The following CDH18 variants were observed in gnomAD, a reference collection of about 807,000 sequenced individuals.
The protein encoded by CDH18 is cadherin 18, also known as cadherin-18.
CDH18 carries 31 observed loss-of-function variants against 67.9 expected under a neutral mutation model. The ratio of observed to expected loss-of-function variants is 0.46; its 90% CI spans 0.34 to 0.62. CDH18 has a LOEUF of 0.62. Among genes scored for constraint, CDH18 ranks in the 20% least tolerant of loss-of-function variants. The pLI is 0.01. For synonymous variants in CDH18, 362 were observed against 347.2 expected (o/e 1.04, Z -0.48); for missense variants, 890 against 975.5 (o/e 0.91, Z 1.17).
At chr5:19,500,897 G>C (rs1012075308) in intron 11 of CDH18, among the ~76,000 whole-genome samples, 2 of 152,026 alleles carry the variant, frequency 1.3e-5, no homozygotes, top group African/African-American at 2.4e-5. Flanking sequence ...TTGGGAGGCT[G>C]AGGCAGGCAG....
chr5:20,002,678 A>C (rs761168911), intron 2 of CDH18, among the ~76,000 whole-genome samples: 5 of 152,198 alleles, frequency 3.3e-5, no homozygotes, highest in Non-Finnish European at 7.3e-5. Context: ...TTACAAAAGA[A>C]AAATAGGGAA....
chr5:20,234,336 T>C (rs1187313324), intron 2 of CDH18, among the ~76,000 whole-genome samples: 2 of 152,198 alleles, frequency 1.3e-5, no homozygotes, highest in African/African-American at 2.4e-5. Context: ...TTCCTAATCA[T>C]CAAATTCTCC....
At chr5:19,640,188 G>A (rs1194602592) in intron 5 of CDH18, among the ~76,000 whole-genome samples, 2 of 152,092 alleles carry the variant, frequency 1.3e-5, no homozygotes, top group African/African-American at 4.8e-5. Context: ...TACTGGTGTG[G>A]CTAAATATAC....
At chr5:19,966,082 A>G (rs1041159664) in intron 2 of CDH18, among the ~76,000 whole-genome samples, 5 of 152,192 alleles carry the variant, frequency 3.3e-5, no homozygotes, top group Non-Finnish European at 5.9e-5. Context: ...TTCGTACTAT[A>G]CACACTACTT....
chr5:19,810,066 C>T (rs1169001133), intron 3 of CDH18, among the ~76,000 whole-genome samples: 2 of 152,168 alleles, frequency 1.3e-5, no homozygotes, highest in African/African-American at 4.8e-5. Flanking sequence ...GAGGTGGCTC[C>T]TGCCTGTAAT....
chr5:19,580,218 T>C (rs1488608941), intron 7 of CDH18, among the ~76,000 whole-genome samples: 1 of 151,880 alleles, frequency 6.6e-6, no homozygotes, highest in African/African-American at 2.4e-5. Flanking sequence ...CTGAATTTAT[T>C]TTCTTGAGTA....
intron 3 of CDH18, among the ~76,000 whole-genome samples, chr5:19,796,750 G>A (rs9292759): frequency 6.6e-6 from 1 of 151,704 alleles, no homozygotes; most frequent in Non-Finnish European, 1.5e-5. Flanking sequence ...TATCCAAGGC[G>A]ATAAGTGAAG....
chr5:20,293,694 A>G (rs1025345155), intron 1 of CDH18, among the ~76,000 whole-genome samples: 1 of 152,222 alleles, frequency 6.6e-6, no homozygotes, highest in Non-Finnish European at 1.5e-5. Context: ...ATTTATACAC[A>G]TGAATAAAAA....
intron 1 of CDH18, among the ~76,000 whole-genome samples, chr5:20,257,598 A>C (rs948883342): frequency 6.6e-5 from 10 of 152,128 alleles, no homozygotes; most frequent in Admixed American, 5.9e-4. Flanking sequence ...CTGACAAAAG[A>C]AAATTAAGTT....
chr5:19,812,106 A>T (rs999723238), intron 3 of CDH18, among the ~76,000 whole-genome samples: 2 of 152,202 alleles, frequency 1.3e-5, no homozygotes. Context: ...AAGAGAAAGT[A>T]ATTAGTGTTT....
intron 1 of CDH18, among the ~76,000 whole-genome samples, chr5:20,259,674 T>C (rs1261794923): frequency 6.6e-6 from 1 of 152,196 alleles, no homozygotes. Context: ...GTAAGGCTGC[T>C]GGTCAACAGT....
intron 2 of CDH18, among the ~76,000 whole-genome samples, chr5:19,974,961 A>C (rs765104167): frequency 2.6e-5 from 4 of 152,112 alleles, no homozygotes; most frequent in Non-Finnish European, 5.9e-5. Flanking sequence ...CTATGACTTA[A>C]ATGTACTCTT....
At chr5:19,763,213 G>A (rs1018933000) in intron 3 of CDH18, among the ~76,000 whole-genome samples, 21 of 152,286 alleles carry the variant, frequency 1.4e-4, no homozygotes, top group Middle Eastern at 3.4e-3. Flanking sequence ...AAACCTGCAC[G>A]TTGTGCACAT....
At chr5:20,288,758 T>C (rs1746880230) in intron 1 of CDH18, among the ~76,000 whole-genome samples, 1 of 151,772 alleles carries the variant, frequency 6.6e-6, no homozygotes, top group Admixed American at 6.6e-5. Context: ...CACACACACG[T>C]AACATGCACA....
intron 1 of CDH18, among the ~76,000 whole-genome samples, chr5:19,986,422 A>T (rs149641099): frequency 6.6e-6 from 1 of 152,210 alleles, no homozygotes; most frequent in African/African-American, 2.4e-5. Context: ...TATAATAGCC[A>T]ATGCTCATTT....
chr5:19,722,716 C>T (rs943694991), intron 4 of CDH18, among the ~76,000 whole-genome samples: 1 of 151,664 alleles, frequency 6.6e-6, no homozygotes, highest in African/African-American at 2.4e-5. Context: ...GATGAATCAT[C>T]TAATGGTGCA....
intron 1 of CDH18, among the ~76,000 whole-genome samples, chr5:20,279,699 CAAAAAAAAAA>C (rs1189257278): frequency 4.4e-4 from 6 of 13,594 alleles, no homozygotes; most frequent in Admixed American, 1.3e-3. Flanking sequence ...AGCTCTGTCT[CAAAAAAAAAA>C]AAAAAAAAAA....
At chr5:19,510,267 C>A (rs190133522) in intron 10 of CDH18, among the ~76,000 whole-genome samples, 1 of 152,120 alleles carries the variant, frequency 6.6e-6, no homozygotes, top group African/African-American at 2.4e-5. Flanking sequence ...CACTATGAAA[C>A]TAAAGAATAC....
chr5:19,727,790 A>C (rs915847903), intron 4 of CDH18, among the ~76,000 whole-genome samples: 5 of 152,192 alleles, frequency 3.3e-5, no homozygotes, highest in Non-Finnish European at 7.3e-5. Context: ...ATAAAATAAA[A>C]AGTTATTGTT....
Sources: gnomAD v4.1 joint callset for allele counts (sites outside exome capture counted in the v4.1 genomes callset) on GRCh38, gnomAD v4.1.1 for gene constraint, MANE v1.5 for transcripts, NCBI Gene and HGNC (gene_info 2026-07-23, HGNC 2026-07-21) for gene names.